Variants in SORCS2 observed in about 807,000 individuals in gnomAD.
SORCS2 encodes the protein sortilin related VPS10 domain containing receptor 2.
In SORCS2, 100 loss-of-function variants were observed where a neutral mutation model predicts 141.6. The observed-to-expected ratio is 0.71, with a 90% CI of 0.60 to 0.83. The LOEUF (loss-of-function observed/expected upper bound fraction) is 0.83, where lower values mean the gene tolerates loss of function less well. Among genes scored for constraint, SORCS2 ranks in the 40% least tolerant of loss-of-function variants. The probability of loss-of-function intolerance (pLI) is 0.00; values close to 1 mark genes in which losing one functional copy is unlikely to be tolerated. For synonymous variants in SORCS2, 789 were observed against 676.9 expected (o/e 1.17, Z -2.57); for missense variants, 1,646 against 1,560.2 (o/e 1.05, Z -0.93).
intron 2 of SORCS2, among the ~76,000 whole-genome samples, chr4:7,437,553 C>A (rs1473205618): frequency 1.3e-5 from 2 of 152,126 alleles, no homozygotes; most frequent in African/African-American, 4.8e-5. Flanking sequence ...TGGTGACCAG[C>A]CCCATCAGAG....
intron 1 of SORCS2, among the ~76,000 whole-genome samples, chr4:7,349,047 C>A (rs1430509460): frequency 6.6e-6 from 1 of 152,200 alleles, no homozygotes; most frequent in African/African-American, 2.4e-5. Context: ...TGATTGATGG[C>A]TACCAAGGGG....
At chr4:7,408,881 T>C (rs1725135846) in intron 2 of SORCS2, among the ~76,000 whole-genome samples, 1 of 152,226 alleles carries the variant, frequency 6.6e-6, no homozygotes, top group South Asian at 2.1e-4. Flanking sequence ...TGACCCATTC[T>C]GCTGTTGAGA....
chr4:7,227,098 G>GGTACTCTTATGCACTTGTGC lies in SORCS2; in HGVS notation c.480+33975_480+33994dup, dbSNP rs1729036514. The stretch of plus-strand genomic sequence containing the variant: ...CTGTGGGTACTCTTACGCACTTGTG[G>GGTACTCTTATGCACTTGTGC]GTACTCTTATGCACTTGTGCGTGCT... On this transcript the variant is annotated intron_variant, in intron 1 of 26. Coordinates refer to ENST00000507866, the MANE Select transcript of SORCS2 (RefSeq NM_020777.3). 5.9e-5 allele frequency among the ~76,000 whole-genome samples: 9 copies of GGTACTCTTATGCACTTGTGC among 152,286 alleles called. No individual in the cohort carries two copies. In the South Asian group the frequency reaches 1.9e-3, roughly 32 times the overall value.
rs1188566834 is a variant in SORCS2 at position 7,664,271 on chromosome 4, A to G, written c.953-82A>G. ...GCCACACCACAGCGGTATTGGAGGA[A>G]GATGGAGTCCAGCACATGTCTCGGG... On this transcript the variant is annotated intron_variant, in intron 6 of 26. Coordinates refer to ENST00000507866, the MANE Select transcript of SORCS2 (RefSeq NM_020777.3). The surrounding 1 kb of genome is among the most constrained non-coding windows in gnomAD (Gnocchi z 4.7). 1.8e-6 allele frequency: 2 copies of G among 1,095,028 alleles called. No individual in the cohort carries two copies. Among genetic ancestry groups the G allele is most frequent in the Non-Finnish European group, 2.7e-6 (2 of 745,208 alleles). 67.8% of individuals were successfully genotyped at this position (1,095,028 alleles called of 1,614,324 possible). A position where few individuals can be genotyped will look rare whatever the true frequency, so the allele number is the denominator to read the frequency against.
At chr4:7,238,759 T>C (rs1712473844) in intron 1 of SORCS2, among the ~76,000 whole-genome samples, 1 of 152,190 alleles carries the variant, frequency 6.6e-6, no homozygotes, top group South Asian at 2.1e-4. Flanking sequence ...TGTTTTCGCC[T>C]CTGCTCCCTC....
intron 3 of SORCS2, among the ~76,000 whole-genome samples, chr4:7,601,870 C>T (rs995724063): frequency 3.9e-5 from 6 of 152,084 alleles, no homozygotes; most frequent in African/African-American, 1.2e-4. Context: ...GCGGTGATGA[C>T]TCTTAACGAG....
At chr4:7,477,480 A>C (rs1262519018) in intron 2 of SORCS2, among the ~76,000 whole-genome samples, 1 of 150,268 alleles carries the variant, frequency 6.7e-6, no homozygotes. Context: ...TCCTGAGGAG[A>C]ACAGAGCGGC....
At chr4:7,418,559 C>T (rs1050300421) in intron 2 of SORCS2, among the ~76,000 whole-genome samples, 8 of 152,162 alleles carry the variant, frequency 5.3e-5, no homozygotes, top group African/African-American at 1.7e-4. Context: ...CTCCACTCCA[C>T]GAGGACCCTT....
intron 3 of SORCS2, among the ~76,000 whole-genome samples, chr4:7,593,102 G>A (rs1367083679): frequency 6.6e-6 from 1 of 152,142 alleles, no homozygotes; most frequent in Non-Finnish European, 1.5e-5. Context: ...AGGAGGTTGA[G>A]GTTGCAGTGA....
chr4:7,544,062 A>T (rs1713052464), intron 3 of SORCS2, among the ~76,000 whole-genome samples: 1 of 115,884 alleles, frequency 8.6e-6, no homozygotes, highest in Non-Finnish European at 1.9e-5. Context: ...CCACCCACCC[A>T]TCCATCCACC....
chr4:7,543,759 C>CCCATCCACCCATCCACCCATCCAT (rs1712949997), intron 3 of SORCS2, among the ~76,000 whole-genome samples: 1 of 36,532 alleles, frequency 2.7e-5, no homozygotes, highest in Non-Finnish European at 4.8e-5. Context: ...CACCCATCCA[C>CCCATCCACCCATCCACCCATCCAT]CCACCCATCC....
At chr4:7,522,698 T>G (rs1214400442) in intron 2 of SORCS2, among the ~76,000 whole-genome samples, 1 of 137,968 alleles carries the variant, frequency 7.2e-6, no homozygotes, top group Non-Finnish European at 1.6e-5. Context: ...TCCTCCCTTT[T>G]CCCCCATCCT....
intron 1 of SORCS2, among the ~76,000 whole-genome samples, chr4:7,391,089 T>A (rs1238743309): frequency 6.6e-6 from 1 of 152,180 alleles, no homozygotes; most frequent in Non-Finnish European, 1.5e-5. Flanking sequence ...ATTTCTCAGA[T>A]CAGGAAACCG....
At chr4:7,195,067 T>TG (rs1426493146) in intron 1 of SORCS2, among the ~76,000 whole-genome samples, 1 of 145,536 alleles carries the variant, frequency 6.9e-6, no homozygotes, top group African/African-American at 2.6e-5. Flanking sequence ...GCACTGGGGG[T>TG]GGGGGGCTGT....
intron 1 of SORCS2, among the ~76,000 whole-genome samples, chr4:7,279,387 T>A (rs139328725): frequency 6.6e-6 from 1 of 152,164 alleles, no homozygotes; most frequent in Non-Finnish European, 1.5e-5. Context: ...GATGAAGCAG[T>A]CAAAGTAAAC....
rs540207559 is a variant in SORCS2 at position 7,193,972 on chromosome 4, T to C, written c.480+846T>C. Among the ~76,000 whole-genome samples, 1 of 152,218 alleles carries C rather than the reference T, an allele frequency of 6.6e-6. No homozygotes were observed. The highest frequency in any genetic ancestry group is 2.4e-5 in the African/African-American group (1 of 41,542). ...GCATGCAGGAGGCAGAGGGTCCCTT[T>C]AGATTATTCCCCTGGGGGCTGCCTC... On this transcript the variant is annotated intron_variant, in intron 1 of 26. Transcript: ENST00000507866. The surrounding 1 kb of genome is among the most constrained non-coding windows in gnomAD (Gnocchi z 4.8).
intron 2 of SORCS2, among the ~76,000 whole-genome samples, chr4:7,449,680 A>G (rs148769410): frequency 1.2e-4 from 18 of 152,062 alleles, no homozygotes; most frequent in African/African-American, 4.3e-4. Context: ...CGGAGCCCCC[A>G]CATCCTCCTC....
chr4:7,396,188 A>C, intron 1 of SORCS2, 100 bp from the exon 2 acceptor site: 12 of 1,136,562 alleles, frequency 1.1e-5, no homozygotes, highest in Non-Finnish European at 1.3e-5. Context: ...GCTGTTATTT[A>C]GAGACCCCAA....
At chr4:7,239,621 G>A (rs1206345151) in intron 1 of SORCS2, among the ~76,000 whole-genome samples, 1 of 152,172 alleles carries the variant, frequency 6.6e-6, no homozygotes, top group Non-Finnish European at 1.5e-5. Flanking sequence ...CCCCTGGGGA[G>A]CTGGGGCTGG....
Sources: gnomAD v4.1 joint callset for allele counts (sites outside exome capture counted in the v4.1 genomes callset) on GRCh38, gnomAD v4.1.1 for gene constraint, Gnocchi (gnomAD v3.1) non-coding constraint, MANE v1.5 for transcripts, NCBI Gene and HGNC (gene_info 2026-07-23, HGNC 2026-07-21) for gene names.